Variants in SDK1 observed in about 807,000 individuals in gnomAD.
SDK1 encodes the protein sidekick cell adhesion molecule 1.
Under a neutral mutation model 245.5 loss-of-function variants are expected in SDK1, and 157 were observed. The observed-to-expected ratio is 0.64, with a 90% CI of 0.56 to 0.73. The LOEUF (loss-of-function observed/expected upper bound fraction) is 0.73. SDK1 is among the 30% of genes least tolerant of loss of function. The pLI is 0.00. For missense variants in SDK1, 3,583 were observed against 3,002.3 expected, an observed-to-expected ratio of 1.19 and a Z score of -4.52; for synonymous variants, 1,647 against 1,278.5, an observed-to-expected ratio of 1.29 and a Z score of -6.15.
chr7:3,519,125 G>C (rs1276822165), intron 1 of SDK1, among the ~76,000 whole-genome samples: 3 of 152,112 alleles, frequency 2.0e-5, no homozygotes, highest in Admixed American at 6.6e-5. Context: ...AAGTAGAACA[G>C]AGAATAGGAG....
intron 12 of SDK1, among the ~76,000 whole-genome samples, chr7:3,974,077 A>C (rs946145510): frequency 6.6e-6 from 1 of 150,854 alleles, no homozygotes; most frequent in South Asian, 2.1e-4. Context: ...CCAGCTACTC[A>C]GGAGGCTGAG....
chr7:3,429,981 C>A (rs879045694), intron 1 of SDK1, among the ~76,000 whole-genome samples: 3 of 152,206 alleles, frequency 2.0e-5, no homozygotes, highest in African/African-American at 7.2e-5. Context: ...ATATACATTT[C>A]TTTCTGTGCT....
chr7:3,959,613 C>G (rs1250042766), intron 8 of SDK1, among the ~76,000 whole-genome samples: 1 of 152,226 alleles, frequency 6.6e-6, no homozygotes, highest in Non-Finnish European at 1.5e-5. Flanking sequence ...CTTCCACACT[C>G]TGCATCCATG....
intron 4 of SDK1, among the ~76,000 whole-genome samples, chr7:3,685,130 G>A (rs968020871): frequency 2.0e-5 from 3 of 151,922 alleles, no homozygotes; most frequent in Admixed American, 2.0e-4. Context: ...CTATAAATTC[G>A]GGAAGCTGAG....
Position 3,966,019 on chromosome 7 carries a change from G to A in SDK1, c.1430-1299G>A, listed in dbSNP as rs567970595. ...GCAGGGGCAGAGGCCGAGAACAGGA[G>A]GAGCCTCGGGAGCTGCGAGCAAGCA... On this transcript the variant is annotated intron_variant, in intron 9 of 44. Transcript: ENST00000404826. Among the ~76,000 whole-genome samples, 31 of 152,038 alleles carry A rather than the reference G, an allele frequency of 2.0e-4. No homozygotes were observed. The South Asian group carries it at 6.5e-3, about 32-fold the overall frequency.
intron 1 of SDK1, among the ~76,000 whole-genome samples, chr7:3,562,399 G>A (rs1779776575): frequency 6.6e-6 from 1 of 152,170 alleles, no homozygotes; most frequent in Non-Finnish European, 1.5e-5. Context: ...CAGCCAAGAT[G>A]GTCAACTGCA....
intron 4 of SDK1, among the ~76,000 whole-genome samples, chr7:3,677,007 A>T (rs1267565044): frequency 6.6e-6 from 1 of 152,218 alleles, no homozygotes; most frequent in Non-Finnish European, 1.5e-5. Flanking sequence ...TTCCCTGGAC[A>T]TACCAAGGAT....
intron 4 of SDK1, among the ~76,000 whole-genome samples, chr7:3,723,184 T>G (rs1778873280): frequency 6.6e-6 from 1 of 152,230 alleles, no homozygotes; most frequent in African/African-American, 2.4e-5. Context: ...AATTGAGCTT[T>G]GTCCCTGTTG....
intron 5 of SDK1, among the ~76,000 whole-genome samples, chr7:3,895,400 A>G (rs1344502772): frequency 6.6e-6 from 1 of 152,202 alleles, no homozygotes; most frequent in Non-Finnish European, 1.5e-5. Context: ...TAGCCAATCA[A>G]CATGTAGTGG....
intron 4 of SDK1, among the ~76,000 whole-genome samples, chr7:3,655,448 AATATATATATATATATATAT>A (rs1194322286): frequency 0.071 from 4,689 of 66,342 alleles, 376 homozygotes; most frequent in African/African-American, 0.17. Context: ...AAACAAAACA[AATATATATATATATATATAT>A]ATATATATAT....
At position 4,205,976 on chromosome 7, in the gene SDK1, G is replaced by A; in HGVS notation, c.5196G>A (p.Gly1732=). The part of the protein sequence containing the change: ...WDPPPPESQN[G]NIQGYKIYYW... ...CACCACCCCCGGAGAGCCAGAATGG[G>A]AACATCCAAGGCTACAAGGCAAGGC... is the stretch of plus-strand genomic sequence containing the variant. The change falls in exon 36 of 45, where the codon GGG becomes GGA. Residue 1732 remains glycine, a synonymous_variant. Coordinates refer to ENST00000404826, the MANE Select transcript of SDK1 (RefSeq NM_152744.4). The A allele has an allele frequency of 1.9e-6, 3 of 1,554,006 alleles. No homozygotes were observed. Among genetic ancestry groups the A allele is most frequent in the African/African-American group, 1.4e-5 (1 of 73,464 alleles).
intron 4 of SDK1, among the ~76,000 whole-genome samples, chr7:3,744,692 G>C (rs1050763647): frequency 1.3e-5 from 2 of 151,874 alleles, no homozygotes; most frequent in Admixed American, 1.3e-4. Context: ...GGTGCCTGTA[G>C]TCTCAGCTAC....
At position 4,049,399 on chromosome 7, in the gene SDK1, C is replaced by T. The variant is rs556714218; in HGVS notation, c.2654C>T (p.Thr885Ile). 2 of 1,614,196 alleles carry T rather than the reference C, an allele frequency of 1.2e-6. No individual in the cohort carries two copies. The highest frequency in any genetic ancestry group is 1.6e-4 in the Middle Eastern group (1 of 6,062). Reference protein sequence around the residue: ...NVQTEAVNSTTIQFLWNPPPQ... With the variant: ...NVQTEAVNSTIIQFLWNPPPQ... ...CAGACGGAAGCCGTGAACTCCACCA[C>T]CATTCAGTTCCTGTGGAACCCTCCG... Residue 885 changes from threonine to isoleucine, a missense_variant, in exon 18 of 45, where the codon ACC becomes ATC. By Grantham distance (89) the Thr-to-Ile change is moderately conservative. Coordinates refer to ENST00000404826, the MANE Select transcript of SDK1 (RefSeq NM_152744.4).
intron 5 of SDK1, among the ~76,000 whole-genome samples, chr7:3,907,745 T>C: frequency 6.6e-6 from 1 of 152,250 alleles, no homozygotes; most frequent in East Asian, 1.9e-4. Context: ...GTGAGGGTCT[T>C]ACATCATCCC....
intron 4 of SDK1, among the ~76,000 whole-genome samples, chr7:3,684,102 TC>T (rs1183050645): frequency 3.9e-5 from 6 of 152,134 alleles, no homozygotes; most frequent in Non-Finnish European, 5.9e-5. Flanking sequence ...TAGGAGCTGA[TC>T]CTCCATTCCC....
chr7:3,620,986 C>T (rs1452480733), intron 2 of SDK1, among the ~76,000 whole-genome samples: 3 of 152,186 alleles, frequency 2.0e-5, no homozygotes, highest in Middle Eastern at 3.4e-3. Flanking sequence ...AATTCAGCTC[C>T]ACCACACCTG....
chr7:3,761,316 A>G (rs1438805071), intron 4 of SDK1, among the ~76,000 whole-genome samples: 1 of 130,506 alleles, frequency 7.7e-6, no homozygotes, highest in East Asian at 2.3e-4. Context: ...ATTAGGTGGC[A>G]ACTCATGTCA....
At chr7:4,245,992 G>A (rs1786830272) in intron 44 of SDK1, among the ~76,000 whole-genome samples, 187 bp downstream of exon 44, 1 of 152,168 alleles carries the variant, frequency 6.6e-6, no homozygotes, top group Admixed American at 6.5e-5. Flanking sequence ...CCTGCTCTGG[G>A]CCCCGCAGAG....
intron 5 of SDK1, among the ~76,000 whole-genome samples, chr7:3,836,718 A>C (rs1355459503): frequency 6.6e-6 from 1 of 152,250 alleles, no homozygotes; most frequent in Admixed American, 6.5e-5. Flanking sequence ...TTCAATATGC[A>C]ATACCTTAAA....
Sources: allele counts gnomAD v4.1 joint callset (sites outside exome capture counted in the v4.1 genomes callset), GRCh38; gene constraint gnomAD v4.1.1; transcripts MANE v1.5; gene names NCBI Gene and HGNC (gene_info 2026-07-23, HGNC 2026-07-21).